TSPEAR: variants seen among roughly 807,000 people sequenced by gnomAD.
TSPEAR encodes the protein thrombospondin type laminin G domain and EAR repeats.
TSPEAR carries 69 observed loss-of-function variants against 71.6 expected under a neutral mutation model. That is an observed-to-expected ratio of 0.96 (90% CI 0.79 to 1.18). The LOEUF (loss-of-function observed/expected upper bound fraction) is 1.18, where lower values mean the gene tolerates loss of function less well. Among genes scored for constraint, TSPEAR ranks in the 50% most tolerant of loss-of-function variants. The pLI, the probability that TSPEAR is intolerant of heterozygous loss-of-function variation, is 0.00. For missense variants in TSPEAR, 971 were observed against 894.9 expected (o/e 1.09, Z -1.09); for synonymous variants, 402 against 387.2 (o/e 1.04, Z -0.45).
At chr21:44,574,868 G>A (rs1237843336) in intron 1 of TSPEAR, 15 of 1,611,940 alleles carry the variant, frequency 9.3e-6, no homozygotes, top group Non-Finnish European at 1.3e-5. Context: ...CCGTGTGCAG[G>A]CCCGCCTGCT....
intron 1 of TSPEAR, chr21:44,675,977 T>C: frequency 1.2e-6 from 1 of 824,016 alleles, no homozygotes; most frequent in Non-Finnish European, 2.2e-6. Flanking sequence ...CTTCAGCCAG[T>C]CTTGTGCCAC....
chr21:44,592,685 T>A (rs1159627548), intron 1 of TSPEAR, among the ~76,000 whole-genome samples: 3 of 152,146 alleles, frequency 2.0e-5, no homozygotes, highest in African/African-American at 7.2e-5. Context: ...ACATCTGGGC[T>A]GTGTCCCATC....
chr21:44,550,009 C>T (rs1172693311), intron 2 of TSPEAR, among the ~76,000 whole-genome samples: 1 of 152,268 alleles, frequency 6.6e-6, no homozygotes, highest in Non-Finnish European at 1.5e-5. Flanking sequence ...CCGCCGTGTC[C>T]CACCTCCCAG....
intron 9 of TSPEAR, among the ~76,000 whole-genome samples, chr21:44,513,592 G>A (rs759264747): frequency 6.6e-5 from 10 of 152,340 alleles, no homozygotes; most frequent in Non-Finnish European, 1.0e-4. Context: ...GCATCTTGCT[G>A]GGATGATGGT....
chr21:44,619,632 C>T (rs1442222637), intron 1 of TSPEAR, among the ~76,000 whole-genome samples: 2 of 151,888 alleles, frequency 1.3e-5, no homozygotes, highest in East Asian at 3.8e-4. Flanking sequence ...TGATACCTCA[C>T]CAAATAGAGA....
At chr21:44,674,606 G>C (rs1339890919) in intron 1 of TSPEAR, among the ~76,000 whole-genome samples, 3 of 152,046 alleles carry the variant, frequency 2.0e-5, no homozygotes, top group African/African-American at 7.2e-5. Context: ...AGTCTCAGAT[G>C]CTGAGAAGGC....
In TSPEAR at chr21:44,504,797, C is replaced by G; in HGVS notation, c.1839G>C (p.Val613=). Residue 613 remains valine, a synonymous_variant, in exon 11 of 12, where the codon GTG becomes GTC. Coordinates refer to ENST00000323084, the MANE Select transcript of TSPEAR (RefSeq NM_144991.3). The stretch of plus-strand genomic sequence containing the variant: ...CTCATTACCTGTAAATAATACTGTT[C>G]ACCGAGAAGGTACGCCCATCGAAGG... ...ANSFDGRTFS[V]NSIIYRWQGY... 6.2e-7 allele frequency: 1 copy of G among 1,613,586 alleles called. No homozygotes were observed. Among genetic ancestry groups the G allele is most frequent in the Non-Finnish European group, 8.5e-7 (1 of 1,179,710 alleles).
chr21:44,507,683 G>A (rs2052235425), intron 10 of TSPEAR, among the ~76,000 whole-genome samples: 1 of 152,218 alleles, frequency 6.6e-6, no homozygotes, highest in East Asian at 1.9e-4. Flanking sequence ...TTTCTAGACT[G>A]GGCATCATGT....
At position 44,612,098 on chromosome 21, in the gene TSPEAR, AC is replaced by A; in HGVS notation, c.83-44094del. On this transcript the variant is annotated intron_variant, in intron 1 of 11. Transcript: ENST00000323084. This position sits in a 1 kb window ranked among gnomAD's most constrained non-coding sequence, Gnocchi z 4.1. ...ACTCACACCACCCAGTCCAGCACCC[AC>A]CATGGCTGACGCCTGCTGCACCAGG... The A allele has an allele frequency of 1.2e-6, 2 of 1,612,758 alleles. No homozygotes were observed. Among genetic ancestry groups the A allele is most frequent in the Non-Finnish European group, 1.7e-6 (2 of 1,179,252 alleles).
In TSPEAR at chr21:44,533,837, G is replaced by A; in HGVS notation, c.390C>T (p.Phe130=). ...CGGCCGTGTCCTCGCGAAGGAACAGGAAGTGCAGCTGGGCAGGTGACAACC... is the reference window on the plus strand; with the variant it reads ...CGGCCGTGTCCTCGCGAAGGAACAGAAAGTGCAGCTGGGCAGGTGACAACC... ...GLRLSPAQLH[F]LFLREDTAGA... Residue 130 remains phenylalanine, a synonymous_variant, in exon 3 of 12, where the codon TTC becomes TTT. Coordinates refer to ENST00000323084, the MANE Select transcript of TSPEAR (RefSeq NM_144991.3). 1 of 1,612,572 alleles carries A rather than the reference G, an allele frequency of 6.2e-7. No homozygotes were observed. The highest frequency in any genetic ancestry group is 8.5e-7 in the Non-Finnish European group (1 of 1,179,918).
intron 1 of TSPEAR, chr21:44,580,727 C>A: frequency 3.8e-6 from 3 of 786,646 alleles, no homozygotes; most frequent in Non-Finnish European, 2.0e-6. Flanking sequence ...CGACAGGAGG[C>A]TCCACAAGCT....
chr21:44,633,003 T>G (rs1264677912), intron 1 of TSPEAR, among the ~76,000 whole-genome samples: 4 of 152,214 alleles, frequency 2.6e-5, no homozygotes. Flanking sequence ...TTTATTGATT[T>G]TATGTGTTAG....
chr21:44,631,124 G>C (rs1404051946), intron 1 of TSPEAR, among the ~76,000 whole-genome samples: 2 of 150,940 alleles, frequency 1.3e-5, no homozygotes, highest in African/African-American at 4.9e-5. Flanking sequence ...AAGAAGCCCA[G>C]GATTGAATTT....
chr21:44,575,056 T>G, intron 1 of TSPEAR: 1 of 1,554,480 alleles, frequency 6.4e-7, no homozygotes, highest in East Asian at 2.3e-5. Flanking sequence ...CCAGCCAGGC[T>G]CAGGTCCCAC....
intron 1 of TSPEAR, chr21:44,702,354 G>A (rs1601582955): frequency 7.3e-7 from 1 of 1,365,790 alleles, no homozygotes; most frequent in South Asian, 1.2e-5. Flanking sequence ...TGAGCTGTGT[G>A]TCCAGCCCCT....
Position 44,528,590 on chromosome 21 carries a change from G to A in TSPEAR, c.791-7C>T, listed in dbSNP as rs1555915269. ...GTCACTCGAATGTTGGTTTCTGAGG[G>A]GAAGACCAGGAAGATGAGTTTCCAG... On this transcript the variant is annotated splice_region_variant and splice_polypyrimidine_tract_variant and intron_variant, in intron 5 of 11. Coordinates refer to ENST00000323084, the MANE Select transcript of TSPEAR (RefSeq NM_144991.3). The A allele has an allele frequency of 1.9e-6, 3 of 1,612,962 alleles. No individual in the cohort carries two copies. The highest frequency in any genetic ancestry group is 2.5e-6 in the Non-Finnish European group (3 of 1,179,532).
intron 2 of TSPEAR, chr21:44,550,859 A>T (rs782290164): frequency 8.5e-6 from 13 of 1,531,766 alleles, no homozygotes; most frequent in Admixed American, 1.8e-5. Flanking sequence ...CAGAGCAAAC[A>T]GGTACACAGC....
chr21:44,531,317 G>A (rs1383403913), intron 3 of TSPEAR, among the ~76,000 whole-genome samples, 184 bp from the exon 4 acceptor site: 3 of 152,328 alleles, frequency 2.0e-5, no homozygotes, highest in Non-Finnish European at 4.4e-5. Flanking sequence ...GGATCAGGCT[G>A]GGGCAGGGTT....
intron 1 of TSPEAR, chr21:44,702,498 T>C (rs113985571): frequency 0.22 from 355,667 of 1,610,456 alleles, 43,468 homozygotes; most frequent in African/African-American, 0.47. Context: ...AGCCTGTCTG[T>C]TGCAAGCCCG....
Sources: allele counts gnomAD v4.1 joint callset (sites outside exome capture counted in the v4.1 genomes callset), GRCh38; gene constraint gnomAD v4.1.1; non-coding constraint Gnocchi (gnomAD v3.1); transcripts MANE v1.5; gene names NCBI Gene and HGNC (gene_info 2026-07-23, HGNC 2026-07-21).